Variants in SRRM5 observed in about 807,000 individuals in gnomAD.
SRRM5 encodes the protein serine/arginine repetitive matrix protein 5.
Under a neutral mutation model 1.3 loss-of-function variants are expected in SRRM5, and 1 was observed. The observed-to-expected ratio is 0.76, with a 90% CI of 0.27 to 3.59. SRRM5 has a LOEUF of 3.59. SRRM5 is among the 30% of genes most tolerant of loss of function. SRRM5 has a pLI of 0.19. For synonymous variants in SRRM5, 275 were observed against 320.2 expected, an observed-to-expected ratio of 0.86 and a Z score of 1.51; for missense variants, 875 against 914.5, an observed-to-expected ratio of 0.96 and a Z score of 0.56.
chr19:43,612,969 A>C lies in SRRM5; in HGVS notation c.848A>C (p.Gln283Pro), dbSNP rs1052509460. The C allele has an allele frequency of 1.9e-6, 3 of 1,551,668 alleles. No homozygotes were observed. The highest frequency in any genetic ancestry group is 2.7e-5 in the African/African-American group (2 of 73,176). ...STRSRPQSHS[Q>P]SRSPRRSRSG... The stretch of plus-strand genomic sequence containing the variant: ...CGCAGCAGGCCGCAAAGTCACAGCC[A>C]ATCTAGAAGCCCCAGAAGGTCAAGA... Residue 283 changes from glutamine to proline, a missense_variant, in exon 1 of 1, where the codon CAA (glutamine) becomes CCA (proline). Gln to Pro is a moderately conservative substitution (Grantham distance 76, BLOSUM62 -1). Transcript: ENST00000417606. The surrounding 1 kb of genome is among the most constrained non-coding windows in gnomAD (Gnocchi z 4.2).
chr19:43,613,910 AG>A lies in SRRM5; in HGVS notation c.1790del (p.Arg597LysfsTer90). 6.4e-7 allele frequency: 1 copy of A among 1,551,724 alleles called. No individual in the cohort carries two copies. On this transcript the variant is annotated frameshift_variant, in exon 3 of 3. Transcript: ENST00000607544. LOFTEE classifies it low-confidence loss of function (END_TRUNC). ...CGAGGAGAGAGATCACAGCCGATCT[AG>A]AAGCCCCAATAAGCAGAGTGGTTAC...
rs1192943862 is a variant in SRRM5 at position 43,614,248 on chromosome 19, A to G, written c.2127A>G (p.Ser709=). Reference sequence around the variant, plus strand: ...CCTTACCTGGGGAAAGGTCTTCATCATCTTCTTCCAAGCTGGCGTAGCCCC... The same window carrying G: ...CCTTACCTGGGGAAAGGTCTTCATCGTCTTCTTCCAAGCTGGCGTAGCCCC... The part of the protein sequence containing the change: ...KATLPGERSS[S]SSSKLA The change falls in exon 1 of 1, where the codon TCA becomes TCG. Residue 709 remains serine (S), a synonymous_variant. Coordinates refer to ENST00000417606, the MANE Select transcript of SRRM5 (RefSeq NM_001145641.2). 6.2e-7 allele frequency: 1 copy of G among 1,614,062 alleles called. No individual in the cohort carries two copies. Among genetic ancestry groups the G allele is most frequent in the East Asian group, 2.2e-5 (1 of 44,878 alleles).
In SRRM5 at chr19:43,614,197, A is replaced by T; in HGVS notation, c.2076A>T (p.Gln692His). 6.2e-7 allele frequency: 1 copy of T among 1,614,228 alleles called. No homozygotes were observed. Among genetic ancestry groups the T allele is most frequent in the Non-Finnish European group, 8.5e-7 (1 of 1,180,032 alleles). ...AAACCCTAAGCCAGGATGACAGTCA[A>T]GCCGACGCCACCACCTCTAAGGCCA... ...GGQTLSQDDS[Q>H]ADATTSKATL... Residue 692 changes from glutamine to histidine, a missense_variant, in exon 1 of 1, where the codon CAA (glutamine) becomes CAT (histidine). Coordinates refer to ENST00000417606, the MANE Select transcript of SRRM5 (RefSeq NM_001145641.2).
In SRRM5 at chr19:43,612,768, C is replaced by T. The variant is rs772848300; in HGVS notation, c.647C>T (p.Thr216Ile). 6 of 1,551,596 alleles carry T rather than the reference C, an allele frequency of 3.9e-6. No homozygotes were observed. The South Asian group carries it at 4.8e-5, about 12-fold the overall frequency. Reference protein sequence around the residue: ...RSSELAVTPSTAKCQTPTGIP... With the variant: ...RSSELAVTPSIAKCQTPTGIP... Reference sequence around the variant, plus strand: ...TCCGAGCTGGCTGTAACTCCCAGTACAGCCAAGTGTCAAACCCCGACTGGA... The same window carrying T: ...TCCGAGCTGGCTGTAACTCCCAGTATAGCCAAGTGTCAAACCCCGACTGGA... The change falls in exon 1 of 1, where the codon ACA becomes ATA. Residue 216 changes from threonine (T) to isoleucine (I), a missense_variant. Transcript: ENST00000417606. The surrounding 1 kb of genome is among the most constrained non-coding windows in gnomAD (Gnocchi z 4.2).
rs780036640 is a variant in SRRM5, at chr19:43,614,217, A to G, written c.2096A>G (p.Lys699Arg). The G allele has an allele frequency of 3.7e-6, 6 of 1,614,196 alleles. No homozygotes were observed. In the East Asian group the frequency reaches 1.3e-4, roughly 36 times the overall value. The stretch of plus-strand genomic sequence containing the variant: ...AGTCAAGCCGACGCCACCACCTCTA[A>G]GGCCACCTTACCTGGGGAAAGGTCT... ...DDSQADATTSKATLPGERSSS... is the reference protein window; with the variant it reads ...DDSQADATTSRATLPGERSSS... The change falls in exon 1 of 1, where the codon AAG becomes AGG. Residue 699 changes from lysine to arginine, a missense_variant. Transcript: ENST00000417606.
chr19:43,613,907 T>C lies in SRRM5; in HGVS notation c.1786T>C (p.Ser596Pro). 1 of 1,551,572 alleles carries C rather than the reference T, an allele frequency of 6.4e-7. No homozygotes were observed. Among genetic ancestry groups the C allele is most frequent in the Non-Finnish European group, 8.7e-7 (1 of 1,146,964 alleles). Residue 596 changes from serine (S) to proline (P), a missense_variant, in exon 1 of 1, where the codon TCT (serine) becomes CCT (proline). Ser to Pro is a moderately conservative substitution (Grantham distance 74). Transcript: ENST00000417606. Reference protein sequence around the residue: ...SSSEERDHSRSRSPNKQSGYS... With the variant: ...SSSEERDHSRPRSPNKQSGYS... ...CAGCGAGGAGAGAGATCACAGCCGATCTAGAAGCCCCAATAAGCAGAGTGG... is the reference window on the plus strand; with the variant it reads ...CAGCGAGGAGAGAGATCACAGCCGACCTAGAAGCCCCAATAAGCAGAGTGG...
At position 43,614,114 on chromosome 19, in the gene SRRM5, A is replaced by T. The variant is rs1371323910; in HGVS notation, c.1993A>T (p.Asn665Tyr). ...TACTAGGACAAGCAGTCTCAGTCAG[A>T]ATAGAACCCCTAGCAAGACAAGCAG... ...SPTRTSSLSQ[N>Y]RTPSKTSSHS... The change falls in exon 1 of 1, where the codon AAT becomes TAT. Residue 665 changes from asparagine (N) to tyrosine (Y), a missense_variant. By Grantham distance (143) the Asn-to-Tyr change is moderately radical. Transcript: ENST00000417606. 1 of 1,596,334 alleles carries T rather than the reference A, an allele frequency of 6.3e-7. No individual in the cohort carries two copies. The highest frequency in any genetic ancestry group is 1.3e-5 in the African/African-American group (1 of 74,434).
At position 43,613,677 on chromosome 19, in the gene SRRM5, G is replaced by A. The variant is rs928988692; in HGVS notation, c.1556G>A (p.Arg519Lys). Residue 519 changes from arginine to lysine, a missense_variant, in exon 1 of 1, where the codon AGA (arginine) becomes AAA (lysine). Transcript: ENST00000417606. ...CAATCTAGAAGCTCCAGCAAAGAGA[G>A]AGATCACAGACGATCTAGAAGCCCC... ...CRQSRSSSKE[R>K]DHRRSRSPSK... 1.9e-5 allele frequency: 29 copies of A among 1,551,602 alleles called. No individual in the cohort carries two copies. Among genetic ancestry groups the A allele is most frequent in the Non-Finnish European group, 2.3e-5 (26 of 1,146,962 alleles).
At position 43,612,296 on chromosome 19, in the gene SRRM5, C is replaced by T; in HGVS notation, c.175C>T (p.Pro59Ser). 1.3e-6 allele frequency: 2 copies of T among 1,551,650 alleles called. No individual in the cohort carries two copies. Among genetic ancestry groups the T allele is most frequent in the Non-Finnish European group, 1.7e-6 (2 of 1,146,988 alleles). The part of the protein sequence containing the change: ...PATSRNSVMS[P>S]SSSKSTKSTS... ...GACATCCCGTAACTCAGTCATGAGC[C>T]CAAGCAGTTCCAAGTCCACCAAATC... The change falls in exon 1 of 1, where the codon CCA becomes TCA. Residue 59 changes from proline to serine, a missense_variant. By Grantham distance (74) the Pro-to-Ser change is moderately conservative (BLOSUM62 -1). Transcript: ENST00000417606. This position sits in a 1 kb window ranked among gnomAD's most constrained non-coding sequence, Gnocchi z 4.2.
chr19:43,613,707 A>T lies in SRRM5; in HGVS notation c.1586A>T (p.Lys529Met). 6.4e-7 allele frequency: 1 copy of T among 1,551,642 alleles called. No individual in the cohort carries two copies. The highest frequency in any genetic ancestry group is 8.7e-7 in the Non-Finnish European group (1 of 1,146,958). ...CACAGACGATCTAGAAGCCCCAGCA[A>T]GGAGAGACAGCGCAGACAATCTAGA... Reference protein sequence around the residue: ...RDHRRSRSPSKERQRRQSRSP... With the variant: ...RDHRRSRSPSMERQRRQSRSP... The change falls in exon 1 of 1, where the codon AAG becomes ATG. Residue 529 changes from lysine (K) to methionine (M), a missense_variant. Physicochemically the swap from Lys to Met is moderately conservative, Grantham distance 95. Coordinates refer to ENST00000417606, the MANE Select transcript of SRRM5 (RefSeq NM_001145641.2).
Position 43,613,279 on chromosome 19 carries a change from G to A in SRRM5, c.1158G>A (p.Glu386=). The A allele has an allele frequency of 6.4e-7, 1 of 1,551,628 alleles. No homozygotes were observed. Residue 386 remains glutamate, a synonymous_variant, in exon 1 of 1, where the codon GAG becomes GAA. Coordinates refer to ENST00000417606, the MANE Select transcript of SRRM5 (RefSeq NM_001145641.2). ...DHRGSSSPRK[E]SGRSQSGSPN... ...GGGGATCTAGCAGCCCCAGGAAGGA[G>A]AGTGGTCGCAGTCAATCAGGAAGCC...
rs755894958 is a variant in SRRM5, at chr19:43,613,076, C to A, written c.955C>A (p.Arg319=). 1.5e-5 allele frequency: 23 copies of A among 1,551,322 alleles called. 1 individual carries two copies. The highest frequency in any genetic ancestry group is 2.0e-5 in the Non-Finnish European group (23 of 1,146,952). The change falls in exon 1 of 1, where the codon CGG becomes AGG. Residue 319 remains arginine (R), a synonymous_variant. Transcript: ENST00000417606. ...CCATAGCAGGGCAAGAAGTCGCACC[C>A]GGAAGGGAATTCTGAGCCAGATGGG... ...RNHSRARSRT[R]KGILSQMGRH...
Position 43,613,836 on chromosome 19 carries a change from G to A in SRRM5, c.1715G>A (p.Trp572Ter), listed in dbSNP as rs1384895204. The change falls in exon 3 of 3, where the codon TGG becomes TAG. Residue 572 changes from tryptophan (W) to a stop codon, truncating the protein, a stop_gained. Coordinates refer to the SRRM5 transcript ENST00000607544. LOFTEE classifies it low-confidence loss of function (END_TRUNC). ...AGCAAAGAGAGAGATCGCAGACGATGGAGAAGCCCCAGCAAGGAGAGAGAG... is the reference window on the plus strand; with the variant it reads ...AGCAAAGAGAGAGATCGCAGACGATAGAGAAGCCCCAGCAAGGAGAGAGAG... The A allele has an allele frequency of 6.5e-7, 1 of 1,541,418 alleles. No individual in the cohort carries two copies. Among genetic ancestry groups the A allele is most frequent in the Non-Finnish European group, 8.8e-7 (1 of 1,142,662 alleles).
At position 43,614,160 on chromosome 19, in the gene SRRM5, C is replaced by G; in HGVS notation, c.2039C>G (p.Pro680Arg). Residue 680 changes from proline to arginine, a missense_variant, in exon 1 of 1, where the codon CCC becomes CGC. Transcript: ENST00000417606. Reference protein sequence around the residue: ...KTSSHSPSTFPSGGQTLSQDD... With the variant: ...KTSSHSPSTFRSGGQTLSQDD... ...AGCAGCCACTCCCCATCAACATTTC[C>G]CAGTGGGGGCCAAACCCTAAGCCAG... The G allele has an allele frequency of 6.2e-7, 1 of 1,613,978 alleles. No homozygotes were observed. Among genetic ancestry groups the G allele is most frequent in the Non-Finnish European group, 8.5e-7 (1 of 1,179,918 alleles).
In SRRM5 at chr19:43,613,566, A is replaced by C. The variant is rs1463726564; in HGVS notation, c.1445A>C (p.Glu482Ala). 3 of 1,551,332 alleles carry C rather than the reference A, an allele frequency of 1.9e-6. No homozygotes were observed. Among genetic ancestry groups the C allele is most frequent in the Admixed American group, 3.9e-5 (2 of 51,006 alleles). Residue 482 changes from glutamate to alanine, a missense_variant, in exon 1 of 1, where the codon GAA becomes GCA. Transcript: ENST00000417606. The stretch of plus-strand genomic sequence containing the variant: ...AGCCGATCTAGAAGCCCCAGCAAGG[A>C]AAGAGATCACAGCCAACTTGGAAGC... ...DRSRSRSPSK[E>A]RDHSQLGSPS...
chr19:43,612,276 C>T lies in SRRM5; in HGVS notation c.155C>T (p.Ser52Phe). ...RSLVPTKPAT[S>F]RNSVMSPSSS... ...TTAGTGCCCACCAAACCAGCGACAT[C>T]CCGTAACTCAGTCATGAGCCCAAGC... is the stretch of plus-strand genomic sequence containing the variant. Residue 52 changes from serine to phenylalanine, a missense_variant, in exon 1 of 1, where the codon TCC becomes TTC. Transcript: ENST00000417606. The surrounding 1 kb of genome is among the most constrained non-coding windows in gnomAD (Gnocchi z 4.2). The T allele has an allele frequency of 6.4e-7, 1 of 1,551,716 alleles. No homozygotes were observed. The highest frequency in any genetic ancestry group is 8.7e-7 in the Non-Finnish European group (1 of 1,146,998).
Position 43,612,673 on chromosome 19 carries a change from T to A in SRRM5, c.552T>A (p.Ser184Arg). ...CTAGAACCAGCAACAGGGAAAGGAGTGACAGCCAGCCTAGAAATCTGAGCA... is the reference window on the plus strand; with the variant it reads ...CTAGAACCAGCAACAGGGAAAGGAGAGACAGCCAGCCTAGAAATCTGAGCA... ...GRPRTSNRERSDSQPRNLSKK... is the reference protein window; with the variant it reads ...GRPRTSNRERRDSQPRNLSKK... The change falls in exon 1 of 1, where the codon AGT (serine) becomes AGA (arginine). Residue 184 changes from serine (S) to arginine (R), a missense_variant. By Grantham distance (110) the Ser-to-Arg change is moderately radical. Transcript: ENST00000417606. The surrounding 1 kb of genome is among the most constrained non-coding windows in gnomAD (Gnocchi z 4.2). 1 of 1,550,402 alleles carries A rather than the reference T, an allele frequency of 6.4e-7. No homozygotes were observed. The highest frequency in any genetic ancestry group is 8.7e-7 in the Non-Finnish European group (1 of 1,146,732).
In SRRM5 at chr19:43,612,457, C is replaced by A. The variant is rs201742640; in HGVS notation, c.336C>A (p.His112Gln). 2,811 of 1,551,458 alleles carry A rather than the reference C, an allele frequency of 1.8e-3. 6 individuals carry two copies. Among genetic ancestry groups the A allele is most frequent in the Middle Eastern group, 5.0e-3 (30 of 5,992 alleles). Residue 112 changes from histidine (H) to glutamine (Q), a missense_variant, in exon 1 of 1, where the codon CAC becomes CAA. Transcript: ENST00000417606. This position sits in a 1 kb window ranked among gnomAD's most constrained non-coding sequence, Gnocchi z 4.2. ...GCAAGGCCAGCGACGTGAGATGCCA[C>A]CAGCGGAGGGGCACACACAGCCGGG... ...KASKASDVRC[H>Q]QRRGTHSRGR... is the part of the protein sequence containing the mutation.
chr19:43,613,196 C>T lies in SRRM5; in HGVS notation c.1075C>T (p.Pro359Ser). 2 of 1,551,614 alleles carry T rather than the reference C, an allele frequency of 1.3e-6. No individual in the cohort carries two copies. Among genetic ancestry groups the T allele is most frequent in the East Asian group, 2.4e-5 (1 of 40,908 alleles). ...AAGAAGTCACAACTGGTCTAGAAACCCCAGCAAGGAAAGAAGTCATAGCCA... is the reference window on the plus strand; with the variant it reads ...AAGAAGTCACAACTGGTCTAGAAACTCCAGCAAGGAAAGAAGTCATAGCCA... The part of the protein sequence containing the change: ...RGRSHNWSRN[P>S]SKERSHSHSR... The change falls in exon 1 of 1, where the codon CCC becomes TCC. Residue 359 changes from proline (P) to serine (S), a missense_variant. Pro to Ser is a moderately conservative substitution (Grantham distance 74, BLOSUM62 -1). Transcript: ENST00000417606.
Sources: allele counts gnomAD v4.1 joint callset, GRCh38; gene constraint gnomAD v4.1.1; non-coding constraint Gnocchi (gnomAD v3.1); transcripts MANE v1.5; gene names NCBI Gene and HGNC (gene_info 2026-07-23, HGNC 2026-07-21).